METTL2B: variants seen among roughly 807,000 people sequenced by gnomAD.
METTL2B encodes methyltransferase 2B, tRNA N3-cytidine, also known as tRNA N(3)-cytidine methyltransferase METTL2B.
METTL2B carries 28 observed loss-of-function variants against 51.0 expected under a neutral mutation model. The ratio of observed to expected loss-of-function variants is 0.55; its 90% CI spans 0.41 to 0.75. The LOEUF is 0.75. METTL2B is among the 30% of genes least tolerant of loss of function. The probability of loss-of-function intolerance (pLI) is 0.00; values close to 1 mark genes in which losing one functional copy is unlikely to be tolerated. For synonymous variants in METTL2B, 128 were observed against 166.3 expected, an observed-to-expected ratio of 0.77 and a Z score of 1.77; for missense variants, 313 against 460.7, an observed-to-expected ratio of 0.68 and a Z score of 2.93.
At chr7:128,497,054 G>GT (rs900992911) in intron 6 of METTL2B, among the ~76,000 whole-genome samples, 2 of 151,506 alleles carry the variant, frequency 1.3e-5, no homozygotes, top group African/African-American at 2.4e-5. Context: ...TCTGTTTTTT[G>GT]TTTTTTTTAA....
At chr7:128,482,357 T>C (rs1799882451) in intron 4 of METTL2B, among the ~76,000 whole-genome samples, 1 of 151,774 alleles carries the variant, frequency 6.6e-6, no homozygotes, top group South Asian at 2.1e-4. Flanking sequence ...TTTCACCACA[T>C]TGGCCAGGCT....
At chr7:128,501,737 A>C in intron 8 of METTL2B, 25 bp from the exon 9 acceptor site, 1 of 1,611,724 alleles carries the variant, frequency 6.2e-7, no homozygotes, top group Non-Finnish European at 8.5e-7. Context: ...GAAAATGCAT[A>C]AACATCTTTT....
At position 128,504,635 on chromosome 7, in the gene METTL2B, G is replaced by T. The variant is rs1021414526; in HGVS notation, c.*2719G>T. The T allele has an allele frequency of 6.7e-6, 1 of 149,938 alleles. No individual in the cohort carries two copies. The highest frequency in any genetic ancestry group is 1.5e-5 in the Non-Finnish European group (1 of 67,570). The allele number at this position is 149,938 out of a possible 1,614,324, so 9.3% of individuals were successfully genotyped here. A position where few individuals can be genotyped will look rare whatever the true frequency, so the allele number is the denominator to read the frequency against. ...CTCCCAAAGTGCTGGGATTACAGGC[G>T]TGAGCCACCACGCCCGGCCAAGACC... On this transcript the variant is annotated 3_prime_UTR_variant, in exon 9 of 9. Transcript: ENST00000262432.
intron 5 of METTL2B, among the ~76,000 whole-genome samples, chr7:128,492,248 C>G (rs1170956238): frequency 1.3e-5 from 2 of 151,790 alleles, no homozygotes; most frequent in Non-Finnish European, 2.9e-5. Flanking sequence ...CCTCCGCCTC[C>G]CAGGTTCAAG....
intron 2 of METTL2B, among the ~76,000 whole-genome samples, chr7:128,478,158 C>T (rs1799826843): frequency 6.6e-6 from 1 of 151,940 alleles, no homozygotes; most frequent in South Asian, 2.1e-4. Flanking sequence ...TTCTACTACA[C>T]TAGTCAAGGC....
chr7:128,494,086 G>C (rs1792883198), intron 6 of METTL2B, 143 bp downstream of exon 6: 18 of 1,104,656 alleles, frequency 1.6e-5, no homozygotes, highest in Non-Finnish European at 2.3e-5. Flanking sequence ...TTAATCTCTT[G>C]AGCTTAAATG....
chr7:128,500,927 A>C lies in METTL2B; in HGVS notation c.941A>C (p.Tyr314Ser). ...KKGQCLSGNF[Y>S]VRGDGTRVYF... ...GGTCAGTGTCTATCTGGAAATTTCT[A>C]TGTGAGAGGTGATGGAACCAGAGTT... Residue 314 changes from tyrosine (Y) to serine (S), a missense_variant, in exon 8 of 9, where the codon TAT becomes TCT. Tyr to Ser is a moderately radical substitution (Grantham distance 144). Transcript: ENST00000262432. 1 of 1,614,130 alleles carries C rather than the reference A, an allele frequency of 6.2e-7. No individual in the cohort carries two copies. The highest frequency in any genetic ancestry group is 8.5e-7 in the Non-Finnish European group (1 of 1,179,988).
At chr7:128,480,552 C>G (rs576343573) in intron 3 of METTL2B, 95 bp from the exon 4 acceptor site, 41 of 1,588,328 alleles carry the variant, frequency 2.6e-5, no homozygotes, top group Non-Finnish European at 3.3e-5. Flanking sequence ...TACAGTTAGG[C>G]CAGATTCTTG....
intron 6 of METTL2B, among the ~76,000 whole-genome samples, chr7:128,497,320 C>G (rs1248615477): frequency 6.6e-6 from 1 of 152,172 alleles, no homozygotes; most frequent in African/African-American, 2.4e-5. Flanking sequence ...GATACAGCCC[C>G]TACATTGAAA....
At chr7:128,496,760 CTTTG>C (rs68069472) in intron 6 of METTL2B, among the ~76,000 whole-genome samples, 113,824 of 148,916 alleles carry the variant, frequency 0.76, 43,677 homozygotes, top group East Asian at 0.92. Context: ...GCTGCTTTTT[CTTTG>C]TTTGTTTGTT....
intron 5 of METTL2B, among the ~76,000 whole-genome samples, chr7:128,490,987 C>G (rs1792818057): frequency 1.3e-5 from 2 of 151,278 alleles, no homozygotes; most frequent in African/African-American, 4.9e-5. Flanking sequence ...ATGGTGAAAC[C>G]CCGTCTCTAC....
Position 128,504,000 on chromosome 7 carries a change from A to G in METTL2B, c.*2084A>G, listed in dbSNP as rs1419936770. On this transcript the variant is annotated 3_prime_UTR_variant, in exon 9 of 9. Transcript: ENST00000262432. ...GCGACAAGAGCGAAACTGCATCTCA[A>G]AAACAAAGATGCCTAGCTTTCACCT... is the stretch of plus-strand genomic sequence containing the variant. 2.0e-5 allele frequency: 3 copies of G among 152,192 alleles called. No individual in the cohort carries two copies. The highest frequency in any genetic ancestry group is 7.2e-5 in the African/African-American group (3 of 41,452). The allele number at this position is 152,192 out of a possible 1,614,324, so 9.4% of individuals were successfully genotyped here. A position where few individuals can be genotyped will look rare whatever the true frequency, so the allele number is the denominator to read the frequency against.
rs1793037739 is a variant in METTL2B at position 128,501,945 on chromosome 7, C to T, written c.*29C>T. 6.2e-7 allele frequency: 1 copy of T among 1,609,412 alleles called. No individual in the cohort carries two copies. Among genetic ancestry groups the T allele is most frequent in the East Asian group, 2.2e-5 (1 of 44,790 alleles). Reference sequence around the variant, plus strand: ...GCACCTGCTGCCAACACGATGCAAGCCCGTTGTGTTTCCGAGCTTTTTTAA... The same window carrying T: ...GCACCTGCTGCCAACACGATGCAAGTCCGTTGTGTTTCCGAGCTTTTTTAA... On this transcript the variant is annotated 3_prime_UTR_variant, in exon 9 of 9. Transcript: ENST00000262432.
At chr7:128,487,956 T>G (rs536766831) in intron 4 of METTL2B, 145 bp from the exon 5 acceptor site, 127 of 1,042,532 alleles carry the variant, frequency 1.2e-4, no homozygotes, top group Non-Finnish European at 1.6e-4. Context: ...TTAACCAAAA[T>G]GAAATATGTT....
chr7:128,495,123 A>C (rs1178071861), intron 6 of METTL2B, among the ~76,000 whole-genome samples: 4 of 150,674 alleles, frequency 2.7e-5, no homozygotes, highest in Non-Finnish European at 5.9e-5. Context: ...GTGTTTCACC[A>C]TGTTGGCCAG....
In METTL2B at chr7:128,501,883, A is replaced by G; in HGVS notation, c.1104A>G (p.Lys368=). The G allele has an allele frequency of 1.2e-6, 2 of 1,614,168 alleles. No homozygotes were observed. Among genetic ancestry groups the G allele is most frequent in the Middle Eastern group, 1.6e-4 (1 of 6,062 alleles). Residue 368 remains lysine (K), a synonymous_variant, in exon 9 of 9, where the codon AAA becomes AAG. Coordinates refer to ENST00000262432, the MANE Select transcript of METTL2B (RefSeq NM_018396.3). ...LTMYRVWIQC[K]YCKPLLSSTS ...TGTACCGGGTTTGGATTCAGTGCAAATACTGCAAGCCCCTTCTGTCCAGCA... is the reference window on the plus strand; with the variant it reads ...TGTACCGGGTTTGGATTCAGTGCAAGTACTGCAAGCCCCTTCTGTCCAGCA...
intron 6 of METTL2B, among the ~76,000 whole-genome samples, chr7:128,495,268 G>A (rs887095974): frequency 5.3e-5 from 8 of 152,052 alleles, no homozygotes; most frequent in African/African-American, 9.7e-5. Context: ...TTAGCAACAC[G>A]AAATTTACAT....
In METTL2B at chr7:128,477,066, CG is replaced by C. The variant is rs1799810584; in HGVS notation, c.111-15del. 3 of 1,613,986 alleles carry C rather than the reference CG, an allele frequency of 1.9e-6. No individual in the cohort carries two copies. In the Admixed American group the frequency reaches 5.0e-5, roughly 27 times the overall value. On this transcript the variant is annotated splice_polypyrimidine_tract_variant and intron_variant, in intron 1 of 8. Transcript: ENST00000262432. ...CAGGACGTGAAGCCCCTAAGCTGCCCGTTTGATTTTCTCAGGGACAATGTGG... is the reference window on the plus strand; with the variant it reads ...CAGGACGTGAAGCCCCTAAGCTGCCCTTTGATTTTCTCAGGGACAATGTGG...
chr7:128,491,551 G>A (rs528947690), intron 5 of METTL2B, among the ~76,000 whole-genome samples: 2 of 150,696 alleles, frequency 1.3e-5, no homozygotes, highest in South Asian at 2.1e-4. Flanking sequence ...CCAAGATCAC[G>A]CCATTGCACT....
Sources: allele counts gnomAD v4.1 joint callset (sites outside exome capture counted in the v4.1 genomes callset), GRCh38; gene constraint gnomAD v4.1.1; transcripts MANE v1.5; gene names NCBI Gene and HGNC (gene_info 2026-07-23, HGNC 2026-07-21).